CNGB3: variants seen among roughly 807,000 people sequenced by gnomAD.
The protein encoded by CNGB3 is cyclic nucleotide gated channel subunit beta 3.
Under a neutral mutation model 92.8 loss-of-function variants are expected in CNGB3, and 86 were observed. The observed-to-expected ratio is 0.93, with a 90% CI of 0.78 to 1.11. CNGB3 has a LOEUF of 1.11. Ranked by LOEUF, CNGB3 falls within the 50% of genes least tolerant of loss-of-function variation. CNGB3 has a pLI of 0.00. For missense variants in CNGB3, 1,026 were observed against 956.8 expected, an observed-to-expected ratio of 1.07 and a Z score of -0.95; for synonymous variants, 333 against 332.7, an observed-to-expected ratio of 1.00 and a Z score of -0.01.
chr8:86,708,454 G>A (rs1824688966), intron 3 of CNGB3, among the ~76,000 whole-genome samples: 1 of 152,156 alleles, frequency 6.6e-6, no homozygotes, highest in Non-Finnish European at 1.5e-5. Flanking sequence ...CCAAAAGGCT[G>A]AGAAGCAATA....
At chr8:86,608,365 C>T (rs970627141) in intron 14 of CNGB3, among the ~76,000 whole-genome samples, 1 of 152,240 alleles carries the variant, frequency 6.6e-6, no homozygotes, top group Non-Finnish European at 1.5e-5. Flanking sequence ...GTGACGCCAG[C>T]GTCTGGGAAG....
At chr8:86,710,429 C>T (rs1220667881) in intron 3 of CNGB3, among the ~76,000 whole-genome samples, 1 of 151,972 alleles carries the variant, frequency 6.6e-6, no homozygotes, top group Non-Finnish European at 1.5e-5. Context: ...CTGCTAATTG[C>T]CAGTCCTAGG....
chr8:86,610,463 T>G (rs1315927860), intron 14 of CNGB3, among the ~76,000 whole-genome samples: 1 of 147,562 alleles, frequency 6.8e-6, no homozygotes, highest in African/African-American at 2.7e-5. Context: ...CTCTTTTACT[T>G]GGTGTACTCC....
At position 86,667,137 on chromosome 8, in the gene CNGB3, G is replaced by T; in HGVS notation, c.644-4C>A. The T allele has an allele frequency of 6.2e-7, 1 of 1,612,834 alleles. No homozygotes were observed. The highest frequency in any genetic ancestry group is 1.1e-5 in the South Asian group (1 of 90,946). ...AGCCACAGGAGATAGAGTCGATCTG[G>T]AAAAACAGCAAGTGGTGAAATCCAA... On this transcript the variant is annotated splice_polypyrimidine_tract_variant and splice_region_variant and intron_variant, in intron 5 of 17. Transcript: ENST00000320005.
intron 3 of CNGB3, among the ~76,000 whole-genome samples, chr8:86,690,409 G>GT (rs1477365843): frequency 6.6e-6 from 1 of 152,010 alleles, no homozygotes; most frequent in Non-Finnish European, 1.5e-5. Flanking sequence ...TGATGGGGTT[G>GT]TTTTTTTCTT....
chr8:86,652,365 T>C (rs974817783), intron 7 of CNGB3, among the ~76,000 whole-genome samples: 2 of 151,936 alleles, frequency 1.3e-5, no homozygotes, highest in African/African-American at 4.8e-5. Context: ...ATAAACACTG[T>C]AGAGTTAGGC....
chr8:86,599,836 G>C (rs1031380591), intron 15 of CNGB3, among the ~76,000 whole-genome samples: 1 of 152,136 alleles, frequency 6.6e-6, no homozygotes, highest in African/African-American at 2.4e-5. Context: ...CCAGTCCTGT[G>C]GTCCTGTGAT....
intron 11 of CNGB3, among the ~76,000 whole-genome samples, chr8:86,630,435 G>A (rs566358817): frequency 5.8e-4 from 88 of 152,180 alleles, no homozygotes; most frequent in Non-Finnish European, 9.6e-4. Flanking sequence ...CAGCAATGTT[G>A]GGTTTTGTTG....
At chr8:86,598,275 C>T (rs1822216956) in intron 15 of CNGB3, among the ~76,000 whole-genome samples, 1 of 152,134 alleles carries the variant, frequency 6.6e-6, no homozygotes, top group African/African-American at 2.4e-5. Context: ...TTGAAGTAAG[C>T]CACTGCAGTT....
intron 15 of CNGB3, among the ~76,000 whole-genome samples, chr8:86,588,997 A>T (rs1303485832): frequency 1.3e-5 from 2 of 152,080 alleles, no homozygotes; most frequent in Non-Finnish European, 2.9e-5. Context: ...AAGCTATTGA[A>T]TATTGCCACA....
chr8:86,717,671 C>T (rs916532810), intron 3 of CNGB3, among the ~76,000 whole-genome samples: 2 of 151,752 alleles, frequency 1.3e-5, no homozygotes, highest in Non-Finnish European at 2.9e-5. Context: ...CTATACCCTA[C>T]AACAAATGGA....
chr8:86,585,454 C>A (rs1341675385), intron 15 of CNGB3, among the ~76,000 whole-genome samples: 1 of 152,026 alleles, frequency 6.6e-6, no homozygotes, highest in African/African-American at 2.4e-5. Flanking sequence ...GTGATTGGAG[C>A]CCTCTGGAGT....
At position 86,743,527 on chromosome 8, in the gene CNGB3, C is replaced by T. The variant is rs1271081485; in HGVS notation, c.101G>A (p.Ser34Asn). The T allele has an allele frequency of 2.5e-6, 4 of 1,613,838 alleles. No homozygotes were observed. The highest frequency in any genetic ancestry group is 3.4e-6 in the Non-Finnish European group (4 of 1,179,892). The change falls in exon 1 of 18, where the codon AGT (serine) becomes AAT (asparagine). Residue 34 changes from serine (S) to asparagine (N), a missense_variant. By Grantham distance (46) the Ser-to-Asn change is conservative. Transcript: ENST00000320005. ...SRRNEEGSHP[S>N]NQSQQTTAQE... ...TGCTGTGGTTTGCTGAGACTGATTA[C>T]TTGGGTGAGAGCCTTCTTCATTCCG...
At chr8:86,625,333 G>A (rs1822825031) in intron 13 of CNGB3, among the ~76,000 whole-genome samples, 1 of 152,034 alleles carries the variant, frequency 6.6e-6, no homozygotes, top group African/African-American at 2.4e-5. Context: ...GAAACATGGT[G>A]GGAACTTCAT....
intron 15 of CNGB3, among the ~76,000 whole-genome samples, chr8:86,588,734 G>T (rs1382952337): frequency 8.0e-5 from 12 of 150,362 alleles, no homozygotes; most frequent in African/African-American, 1.2e-4. Context: ...GCTGGATTCG[G>T]TTTGCCAGTA....
At chr8:86,576,275 TCTGA>T in intron 17 of CNGB3, 145 bp from the exon 18 acceptor site, 2 of 910,664 alleles carry the variant, frequency 2.2e-6, no homozygotes, top group Non-Finnish European at 3.4e-6. Flanking sequence ...CTGCTTTGCT[TCTGA>T]CTATCATTTG....
rs376711003 is a variant in CNGB3 at position 86,743,617 on chromosome 8, G to A, written c.11C>T (p.Ser4Leu). Residue 4 changes from serine to leucine, a missense_variant, in exon 1 of 18, where the codon TCG becomes TTG. Transcript: ENST00000320005. MFK[S>L]LTKVNKVKPI... ...CTTCACCTTGTTGACTTTTGTCAGC[G>A]ATTTAAACATCTTCTCTGAGGTGGT... 4.3e-6 allele frequency: 7 copies of A among 1,613,900 alleles called. No homozygotes were observed. The highest frequency in any genetic ancestry group is 4.5e-5 in the East Asian group (2 of 44,852).
chr8:86,671,775 G>A (rs528562297), intron 3 of CNGB3, among the ~76,000 whole-genome samples: 6 of 152,188 alleles, frequency 3.9e-5, no homozygotes, highest in South Asian at 2.1e-4. Flanking sequence ...GTACAACTGC[G>A]GGAACTGATT....
intron 6 of CNGB3, among the ~76,000 whole-genome samples, chr8:86,663,593 C>T (rs1338504397): frequency 2.0e-5 from 3 of 152,162 alleles, no homozygotes; most frequent in African/African-American, 7.2e-5. Context: ...GTAGATGTAT[C>T]TACCTAGCAA....
Sources: allele counts gnomAD v4.1 joint callset (sites outside exome capture counted in the v4.1 genomes callset), GRCh38; gene constraint gnomAD v4.1.1; transcripts MANE v1.5; gene names NCBI Gene and HGNC (gene_info 2026-07-23, HGNC 2026-07-21).